AKAP6: variants seen among roughly 807,000 people sequenced by gnomAD.
AKAP6 encodes A-kinase anchor protein 6.
In AKAP6, 58 loss-of-function variants were observed where a neutral mutation model predicts 188.5. That is an observed-to-expected ratio of 0.31 (90% CI 0.25 to 0.38). The LOEUF (loss-of-function observed/expected upper bound fraction) is 0.38, where lower values mean the gene tolerates loss of function less well. AKAP6 is among the 10% of genes least tolerant of loss of function. The pLI, the probability that AKAP6 is intolerant of heterozygous loss-of-function variation, is 1.00. For missense variants in AKAP6, 2,710 were observed against 2,740.0 expected (o/e 0.99, Z 0.24); for synonymous variants, 989 against 998.6 (o/e 0.99, Z 0.18).
chr14:32,335,824 T>A lies in AKAP6; in HGVS notation c.-35+6416T>A, dbSNP rs531797504. The stretch of plus-strand genomic sequence containing the variant: ...TATGCTGTCTGGGTATTTTTTTTTT[T>A]AATACTATCCTTTTCTCCTTTTTTT... On this transcript the variant is annotated intron_variant, in intron 1 of 13. Coordinates refer to ENST00000280979, the MANE Select transcript of AKAP6 (RefSeq NM_004274.5). Among the ~76,000 whole-genome samples the A allele has an allele frequency of 6.6e-5, 10 of 150,952 alleles. No individual in the cohort carries two copies. The East Asian group carries it at 1.8e-3, about 26-fold the overall frequency.
At chr14:32,808,764 A>G (rs888909487) in intron 12 of AKAP6, among the ~76,000 whole-genome samples, 4 of 152,160 alleles carry the variant, frequency 2.6e-5, no homozygotes, top group Admixed American at 1.3e-4. Flanking sequence ...CTCTTTATCT[A>G]TATGACATTT....
intron 1 of AKAP6, among the ~76,000 whole-genome samples, chr14:32,372,541 G>A (rs555736137): frequency 6.9e-6 from 1 of 145,098 alleles, no homozygotes; most frequent in Non-Finnish European, 1.5e-5. Context: ...CTTCTTTATA[G>A]CAATATAATT....
intron 1 of AKAP6, among the ~76,000 whole-genome samples, chr14:32,426,845 T>C (rs760705113): frequency 7.2e-5 from 11 of 152,154 alleles, no homozygotes; most frequent in South Asian, 4.2e-4. Flanking sequence ...ATCTGAATAA[T>C]TGGGGAGAGG....
rs1342483664 is a variant in AKAP6, at chr14:32,837,142, A to G, written c.*7337A>G. 1 of 152,174 alleles carries G rather than the reference A, an allele frequency of 6.6e-6. No individual in the cohort carries two copies. The highest frequency in any genetic ancestry group is 2.4e-5 in the African/African-American group (1 of 41,438). The allele number at this position is 152,174 out of a possible 1,614,324, so 9.4% of individuals were successfully genotyped here. ...TTTCTCCCTTCTTTATTCATTTTAT[A>G]TGGGGACGTTTGACTAGGATCACCA... On this transcript the variant is annotated 3_prime_UTR_variant, in exon 14 of 14. Coordinates refer to ENST00000280979, the MANE Select transcript of AKAP6 (RefSeq NM_004274.5).
At chr14:32,412,558 C>T (rs1378733315) in intron 1 of AKAP6, among the ~76,000 whole-genome samples, 4 of 152,234 alleles carry the variant, frequency 2.6e-5, no homozygotes, top group South Asian at 4.1e-4. Context: ...AAAAATAATG[C>T]AGGCATTATG....
chr14:32,470,710 C>T (rs1878730921), intron 2 of AKAP6, among the ~76,000 whole-genome samples: 1 of 152,126 alleles, frequency 6.6e-6, no homozygotes, highest in African/African-American at 2.4e-5. Context: ...TAAATAATTC[C>T]TGACAATTGA....
intron 1 of AKAP6, among the ~76,000 whole-genome samples, chr14:32,432,948 G>C (rs1400579909): frequency 6.6e-6 from 1 of 152,060 alleles, no homozygotes; most frequent in Admixed American, 6.6e-5. Context: ...GGCCTCTCTG[G>C]GTCTGAGTTG....
At chr14:32,500,028 G>T (rs1203382762) in intron 2 of AKAP6, among the ~76,000 whole-genome samples, 1 of 152,044 alleles carries the variant, frequency 6.6e-6, no homozygotes, top group Non-Finnish European at 1.5e-5. Context: ...AAATCTAATT[G>T]TAATTGATAT....
chr14:32,698,318 C>T (rs1890486522), intron 9 of AKAP6, among the ~76,000 whole-genome samples: 1 of 152,124 alleles, frequency 6.6e-6, no homozygotes, highest in African/African-American at 2.4e-5. Context: ...CAGGAATCAA[C>T]TGAACTGATG....
chr14:32,651,606 G>A (rs904233559), intron 7 of AKAP6, among the ~76,000 whole-genome samples: 1 of 152,036 alleles, frequency 6.6e-6, no homozygotes, highest in Non-Finnish European at 1.5e-5. Context: ...CTCCAGAGAG[G>A]GTGAACTCTG....
intron 1 of AKAP6, among the ~76,000 whole-genome samples, chr14:32,422,828 A>G (rs1320600589): frequency 6.6e-6 from 1 of 151,522 alleles, no homozygotes; most frequent in Non-Finnish European, 1.5e-5. Context: ...GATAAAGGTA[A>G]TTCTTCCCTA....
At chr14:32,389,666 A>G (rs1306253857) in intron 1 of AKAP6, among the ~76,000 whole-genome samples, 1 of 152,154 alleles carries the variant, frequency 6.6e-6, no homozygotes, top group East Asian at 1.9e-4. Flanking sequence ...GAGGCTGAAG[A>G]TAGGGTCCCC....
chr14:32,482,066 G>T lies in AKAP6; in HGVS notation c.324+48249G>T, dbSNP rs528109908. Among the ~76,000 whole-genome samples the T allele has an allele frequency of 1.6e-4, 25 of 152,206 alleles. 1 individual carries two copies. Among genetic ancestry groups the T allele is most frequent in the South Asian group, 4.2e-4 (2 of 4,816 alleles). On this transcript the variant is annotated intron_variant, in intron 2 of 13. Coordinates refer to ENST00000280979, the MANE Select transcript of AKAP6 (RefSeq NM_004274.5). Reference sequence around the variant, plus strand: ...GCCCATTAGTTGAGACTGTATTATAGCACAACTTTCCTCAGCCCTACTTCC... The same window carrying T: ...GCCCATTAGTTGAGACTGTATTATATCACAACTTTCCTCAGCCCTACTTCC...
chr14:32,431,393 T>A (rs1890220280), intron 1 of AKAP6, among the ~76,000 whole-genome samples: 1 of 152,274 alleles, frequency 6.6e-6, no homozygotes, highest in African/African-American at 2.4e-5. Flanking sequence ...GGCTGTTGAA[T>A]TGAAGCCTGA....
At chr14:32,784,020 G>A (rs1043238916) in intron 12 of AKAP6, among the ~76,000 whole-genome samples, 2 of 152,120 alleles carry the variant, frequency 1.3e-5, no homozygotes, top group South Asian at 2.1e-4. Flanking sequence ...GGAAAATTAT[G>A]GATCAAATTT....
At chr14:32,765,556 G>A (rs1228918414) in intron 11 of AKAP6, among the ~76,000 whole-genome samples, 2 of 152,030 alleles carry the variant, frequency 1.3e-5, no homozygotes, top group Non-Finnish European at 2.9e-5. Flanking sequence ...GCTATTTCTA[G>A]GAGTAGGACA....
chr14:32,538,290 A>G (rs1882774803), intron 3 of AKAP6, among the ~76,000 whole-genome samples: 1 of 152,238 alleles, frequency 6.6e-6, no homozygotes. Context: ...AATAAATTCA[A>G]CTATGAAAGA....
intron 1 of AKAP6, among the ~76,000 whole-genome samples, chr14:32,353,404 A>T (rs913399441): frequency 1.3e-5 from 2 of 152,148 alleles, no homozygotes; most frequent in African/African-American, 4.8e-5. Context: ...TACTAAAAAT[A>T]CAAAAAATTA....
intron 11 of AKAP6, among the ~76,000 whole-genome samples, chr14:32,736,734 T>A (rs1187650048): frequency 6.6e-6 from 1 of 152,158 alleles, no homozygotes; most frequent in Non-Finnish European, 1.5e-5. Flanking sequence ...TCTCAAAGCA[T>A]CGTAGGACCA....
Sources: allele counts gnomAD v4.1 joint callset (sites outside exome capture counted in the v4.1 genomes callset), GRCh38; gene constraint gnomAD v4.1.1; transcripts MANE v1.5; gene names NCBI Gene and HGNC (gene_info 2026-07-23, HGNC 2026-07-21).